VWA3B: variants seen among roughly 807,000 people sequenced by gnomAD.
VWA3B encodes the protein von Willebrand factor A domain containing 3B.
Under a neutral mutation model 158.3 loss-of-function variants are expected in VWA3B, and 138 were observed. The ratio of observed to expected loss-of-function variants is 0.87; its 90% confidence interval spans 0.76 to 1.00. The LOEUF (loss-of-function observed/expected upper bound fraction) is 1.00, where lower values mean the gene tolerates loss of function less well. VWA3B is among the 50% of genes least tolerant of loss of function. VWA3B has a pLI of 0.00. For missense variants in VWA3B, 1,555 were observed against 1,565.1 expected (o/e 0.99, Z 0.11); for synonymous variants, 596 against 587.3 (o/e 1.01, Z -0.21).
At chr2:98,094,775 T>C (rs936059722) in intron 2 of VWA3B, among the ~76,000 whole-genome samples, 10 of 152,218 alleles carry the variant, frequency 6.6e-5, no homozygotes, top group African/African-American at 1.7e-4. Context: ...AAGTCTGTAA[T>C]TCATTTTGAG....
downstream of VWA3B, among the ~76,000 whole-genome samples, chr2:98,314,379 T>A (rs1294856833): frequency 2.0e-5 from 3 of 152,220 alleles, no homozygotes; most frequent in Non-Finnish European, 1.5e-5. Context: ...CAAGGAACAA[T>A]TCCTATGGTT....
intron 8 of VWA3B, among the ~76,000 whole-genome samples, chr2:98,176,750 A>G (rs886450715): frequency 6.6e-6 from 1 of 152,210 alleles, no homozygotes; most frequent in Non-Finnish European, 1.5e-5. Flanking sequence ...CCATTCCCCT[A>G]AGAAAGTCTT....
intron 23 of VWA3B, among the ~76,000 whole-genome samples, chr2:98,296,954 G>C (rs1689838597): frequency 6.6e-6 from 1 of 150,616 alleles, no homozygotes; most frequent in Admixed American, 6.6e-5. Context: ...TATTAGGCTG[G>C]TGCAAAAGTA....
chr2:98,271,105 G>GA (rs11364249), intron 22 of VWA3B, among the ~76,000 whole-genome samples: 17,016 of 147,158 alleles, frequency 0.12, 1,381 homozygotes, highest in Admixed American at 0.25. Context: ...TCTTTTAATT[G>GA]AAAAAAAAAA....
At chr2:98,232,044 C>A (rs1261704674) in intron 16 of VWA3B, among the ~76,000 whole-genome samples, 1 of 152,286 alleles carries the variant, frequency 6.6e-6, no homozygotes, top group East Asian at 1.9e-4. Context: ...TGTCCCTCCT[C>A]TTCTATTCCT....
At chr2:98,208,289 G>C (rs745640000) in intron 12 of VWA3B, among the ~76,000 whole-genome samples, 3 of 151,872 alleles carry the variant, frequency 2.0e-5, no homozygotes, top group African/African-American at 7.3e-5. Flanking sequence ...AGCATAAATC[G>C]GGTCATGTTT....
At chr2:98,295,712 C>T (rs970052364) in intron 23 of VWA3B, among the ~76,000 whole-genome samples, 8 of 152,230 alleles carry the variant, frequency 5.3e-5, no homozygotes. Flanking sequence ...GGAGACACAG[C>T]CTCACCTCTC....
At chr2:98,230,776 C>G (rs549281197) in intron 16 of VWA3B, among the ~76,000 whole-genome samples, 1 of 152,224 alleles carries the variant, frequency 6.6e-6, no homozygotes, top group South Asian at 2.1e-4. Context: ...CCTTATTCAG[C>G]ATAGCACGGG....
intron 12 of VWA3B, among the ~76,000 whole-genome samples, chr2:98,194,812 T>C (rs997154661): frequency 6.6e-6 from 1 of 152,198 alleles, no homozygotes; most frequent in African/African-American, 2.4e-5. Context: ...CATTCAGATT[T>C]TTTTCTTCTG....
At chr2:98,178,348 A>G (rs1005843880) in intron 8 of VWA3B, among the ~76,000 whole-genome samples, 1 of 152,206 alleles carries the variant, frequency 6.6e-6, no homozygotes, top group Non-Finnish European at 1.5e-5. Context: ...TCCCCACTCT[A>G]GTAGGTTTCA....
chr2:98,089,586 C>A (rs1197022669), intron 1 of VWA3B, among the ~76,000 whole-genome samples: 2 of 151,572 alleles, frequency 1.3e-5, no homozygotes, highest in African/African-American at 4.8e-5. Flanking sequence ...CAGTTCCTAT[C>A]CCACTTGAGT....
In VWA3B at chr2:98,115,341, G is replaced by A. The variant is rs184465192; in HGVS notation, c.197-311G>A. Among the ~76,000 whole-genome samples the A allele has an allele frequency of 5.3e-4, 81 of 152,276 alleles. 1 individual carries two copies. Among genetic ancestry groups the A allele is most frequent in the Non-Finnish European group, 9.1e-4 (62 of 68,016 alleles). ...GATAGCATTAGGAGAAATACCTAATGTAAATGATGAGTTGATGGTTGCAGC... is the reference window on the plus strand; with the variant it reads ...GATAGCATTAGGAGAAATACCTAATATAAATGATGAGTTGATGGTTGCAGC... On this transcript the variant is annotated intron_variant, in intron 2 of 27. Transcript: ENST00000477737.
chr2:98,258,444 G>C (rs1413328713), intron 21 of VWA3B, among the ~76,000 whole-genome samples: 2 of 151,818 alleles, frequency 1.3e-5, no homozygotes, highest in Non-Finnish European at 3.0e-5. Context: ...TTGCTTTGAA[G>C]AGTATTACCA....
intron 8 of VWA3B, among the ~76,000 whole-genome samples, chr2:98,178,133 T>G (rs1308912335): frequency 1.3e-5 from 2 of 152,146 alleles, no homozygotes; most frequent in East Asian, 1.9e-4. Context: ...TTTTGCTGCT[T>G]CTTTGTGATG....
intron 4 of VWA3B, 144 bp from the exon 5 acceptor site, chr2:98,121,155 A>G (rs2104967432): frequency 9.8e-7 from 1 of 1,021,908 alleles, no homozygotes; most frequent in Non-Finnish European, 1.4e-6. Context: ...TGGTAACATC[A>G]GAGGGCTGGG....
At chr2:98,149,842 T>C (rs1332341309) in intron 7 of VWA3B, among the ~76,000 whole-genome samples, 1 of 152,206 alleles carries the variant, frequency 6.6e-6, no homozygotes, top group Admixed American at 6.5e-5. Flanking sequence ...TTTTGAAAGT[T>C]TTCAAAGTAC....
the VWA3B span, among the ~76,000 whole-genome samples, chr2:98,318,789 G>C: frequency 6.6e-6 from 1 of 152,140 alleles, no homozygotes. Flanking sequence ...GTCCAAAAAA[G>C]ACATAATATA....
At chr2:98,091,198 C>G (rs902579876) in intron 1 of VWA3B, among the ~76,000 whole-genome samples, 1 of 152,146 alleles carries the variant, frequency 6.6e-6, no homozygotes, top group Non-Finnish European at 1.5e-5. Flanking sequence ...TAAGACCTGG[C>G]TGGAGGAGGT....
intron 9 of VWA3B, among the ~76,000 whole-genome samples, chr2:98,181,868 AC>A (rs1680614382): frequency 6.6e-6 from 1 of 151,996 alleles, no homozygotes; most frequent in South Asian, 2.1e-4. Flanking sequence ...ATCCATAACA[AC>A]CCCCAGATGA....
Sources: allele counts gnomAD v4.1 joint callset (sites outside exome capture counted in the v4.1 genomes callset), GRCh38; gene constraint gnomAD v4.1.1; transcripts MANE v1.5; gene names NCBI Gene and HGNC (gene_info 2026-07-23, HGNC 2026-07-21).